The following ADGRB3 variants were observed in gnomAD, a reference collection of about 807,000 sequenced individuals.
ADGRB3 encodes adhesion G protein-coupled receptor B3.
Under a neutral mutation model 193.4 loss-of-function variants are expected in ADGRB3, and 37 were observed. The ratio of observed to expected loss-of-function variants is 0.19; its 90% CI spans 0.15 to 0.25. The LOEUF is 0.25. Among genes scored for constraint, ADGRB3 ranks in the 10% least tolerant of loss-of-function variants. The pLI, the probability that ADGRB3 is intolerant of heterozygous loss-of-function variation, is 1.00. For missense variants in ADGRB3, 1,637 were observed against 1,852.9 expected (o/e 0.88, Z 2.14); for synonymous variants, 690 against 644.2 (o/e 1.07, Z -1.08).
intron 20 of ADGRB3, among the ~76,000 whole-genome samples, chr6:69,254,565 A>G (rs1275067097): frequency 6.6e-6 from 1 of 152,120 alleles, no homozygotes. Flanking sequence ...TATACTGTCA[A>G]GAAAAAATGA....
chr6:69,296,862 A>G (rs1335850112), intron 20 of ADGRB3, among the ~76,000 whole-genome samples: 1 of 152,082 alleles, frequency 6.6e-6, no homozygotes, highest in Admixed American at 6.6e-5. Flanking sequence ...ATTCCATACT[A>G]GGATTGAGAC....
intron 3 of ADGRB3, among the ~76,000 whole-genome samples, chr6:68,787,066 C>G (rs938651453): frequency 2.6e-5 from 4 of 152,048 alleles, no homozygotes; most frequent in East Asian, 1.9e-4. Flanking sequence ...GAGATGATGG[C>G]GTTTTCTAGA....
At chr6:68,907,011 T>G (rs1766566842) in intron 3 of ADGRB3, among the ~76,000 whole-genome samples, 1 of 151,940 alleles carries the variant, frequency 6.6e-6, no homozygotes, top group Non-Finnish European at 1.5e-5. Flanking sequence ...TTCATCTTTC[T>G]AAACCTCAAA....
At chr6:68,814,512 G>T (rs985745116) in intron 3 of ADGRB3, among the ~76,000 whole-genome samples, 1 of 152,132 alleles carries the variant, frequency 6.6e-6, no homozygotes, top group African/African-American at 2.4e-5. Context: ...TGTTCACTCT[G>T]ATGGTAGTTT....
Position 68,747,839 on chromosome 6 carries a change from A to T in ADGRB3, c.757+108407A>T, listed in dbSNP as rs539860848. Among the ~76,000 whole-genome samples, 33 of 152,302 alleles carry T rather than the reference A, an allele frequency of 2.2e-4. 1 individual carries two copies. The East Asian group carries it at 6.4e-3, about 29-fold the overall frequency. On this transcript the variant is annotated intron_variant, in intron 3 of 31. Transcript: ENST00000370598. ...GTATTAGTCGGTTTTCATGCTGCTG[A>T]TAGAGACATACCCGTGACTTGGAAG...
At chr6:69,259,160 C>T (rs771557853) in intron 20 of ADGRB3, among the ~76,000 whole-genome samples, 62 of 152,096 alleles carry the variant, frequency 4.1e-4, no homozygotes, top group Non-Finnish European at 7.4e-4. Context: ...TATATCCTTT[C>T]GAATTTGCTT....
intron 13 of ADGRB3, among the ~76,000 whole-genome samples, chr6:69,044,463 G>A (rs144306283): frequency 6.6e-6 from 1 of 152,174 alleles, no homozygotes; most frequent in African/African-American, 2.4e-5. Context: ...ATCCTGCTTT[G>A]ATGTATCAAA....
At chr6:68,782,687 T>C (rs541292321) in intron 3 of ADGRB3, among the ~76,000 whole-genome samples, 1 of 152,264 alleles carries the variant, frequency 6.6e-6, no homozygotes, top group South Asian at 2.1e-4. Context: ...AGATGGTATT[T>C]CATTGTGGTT....
intron 17 of ADGRB3, among the ~76,000 whole-genome samples, chr6:69,228,658 A>G (rs998996037): frequency 2.0e-5 from 3 of 152,204 alleles, no homozygotes; most frequent in Non-Finnish European, 2.9e-5. Context: ...ATCCAAGTGA[A>G]TGAAGTGCAT....
chr6:68,991,071 G>A (rs1038597326), intron 10 of ADGRB3, among the ~76,000 whole-genome samples: 3 of 151,968 alleles, frequency 2.0e-5, no homozygotes, highest in Non-Finnish European at 4.4e-5. Context: ...TAGAGCACCA[G>A]ACGTTTTTCA....
chr6:68,989,993 A>C (rs1166863866), intron 10 of ADGRB3, among the ~76,000 whole-genome samples: 1 of 152,178 alleles, frequency 6.6e-6, no homozygotes, highest in Non-Finnish European at 1.5e-5. Context: ...GATGGGATTC[A>C]AAACCTTAGA....
chr6:68,822,972 T>G (rs1028517803), intron 3 of ADGRB3, among the ~76,000 whole-genome samples: 1 of 151,904 alleles, frequency 6.6e-6, no homozygotes, highest in Non-Finnish European at 1.5e-5. Flanking sequence ...ATGGCAGAAA[T>G]AAACATAAAG....
At chr6:68,911,746 C>T (rs1408741239) in intron 3 of ADGRB3, among the ~76,000 whole-genome samples, 1 of 151,474 alleles carries the variant, frequency 6.6e-6, no homozygotes, top group African/African-American at 2.4e-5. Flanking sequence ...TTTTTTAGCT[C>T]ATGATGTCTT....
At chr6:68,669,304 A>G (rs1454258567) in intron 3 of ADGRB3, among the ~76,000 whole-genome samples, 3 of 151,864 alleles carry the variant, frequency 2.0e-5, no homozygotes, top group African/African-American at 7.3e-5. Flanking sequence ...GTGCTATTTT[A>G]TAGCACAACA....
intron 13 of ADGRB3, among the ~76,000 whole-genome samples, chr6:69,026,528 T>C (rs991148000): frequency 2.6e-5 from 4 of 152,156 alleles, no homozygotes; most frequent in African/African-American, 9.7e-5. Context: ...GAAGTGAAGC[T>C]AAAAGGTATT....
intron 20 of ADGRB3, among the ~76,000 whole-genome samples, chr6:69,305,802 C>T (rs1052376654): frequency 1.3e-5 from 2 of 151,300 alleles, no homozygotes; most frequent in Non-Finnish European, 2.9e-5. Context: ...ATCATTGATT[C>T]TAAGTGCAAT....
At chr6:69,237,013 C>A (rs568307046) in intron 19 of ADGRB3, among the ~76,000 whole-genome samples, 121 of 151,990 alleles carry the variant, frequency 8.0e-4, no homozygotes, top group African/African-American at 2.8e-3. Flanking sequence ...AAAGAAGTGA[C>A]AAGACTCCAT....
At position 68,811,075 on chromosome 6, in the gene ADGRB3, G is replaced by GAT. The variant is rs140401590; in HGVS notation, c.758-119470_758-119469dup. On this transcript the variant is annotated intron_variant, in intron 3 of 31. Transcript: ENST00000370598. ...TGTTTACCCTATGGTTTTATGAGGA[G>GAT]ATATATATATATATAGTCTTCCAAA... Among the ~76,000 whole-genome samples, 1,208 of 150,086 alleles carry GAT rather than the reference G, an allele frequency of 8.0e-3. 18 individuals are homozygous for GAT. The highest frequency in any genetic ancestry group is 0.027 in the African/African-American group (1,099 of 41,042).
At chr6:69,066,148 T>A (rs578158310) in intron 16 of ADGRB3, among the ~76,000 whole-genome samples, 2 of 151,378 alleles carry the variant, frequency 1.3e-5, no homozygotes, top group Non-Finnish European at 2.9e-5. Flanking sequence ...TCCCCCCACC[T>A]CCAACCTTCA....
Sources: gnomAD v4.1 joint callset for allele counts (sites outside exome capture counted in the v4.1 genomes callset) on GRCh38, gnomAD v4.1.1 for gene constraint, MANE v1.5 for transcripts, NCBI Gene and HGNC (gene_info 2026-07-23, HGNC 2026-07-21) for gene names.